The following AIG1 variants were observed in gnomAD, a reference collection of about 807,000 sequenced individuals.
AIG1 encodes androgen induced 1.
Under a neutral mutation model 31.4 loss-of-function variants are expected in AIG1, and 23 were observed. The observed-to-expected ratio is 0.73, with a 90% CI of 0.53 to 1.04. The LOEUF (loss-of-function observed/expected upper bound fraction) is 1.04. Among genes scored for constraint, AIG1 ranks in the 50% least tolerant of loss-of-function variants. The probability of loss-of-function intolerance (pLI) is 0.00; values close to 1 mark genes in which losing one functional copy is unlikely to be tolerated. For missense variants in AIG1, 274 were observed against 295.0 expected, an observed-to-expected ratio of 0.93 and a Z score of 0.52; for synonymous variants, 100 against 110.5, an observed-to-expected ratio of 0.90 and a Z score of 0.60.
chr6:143,212,785 C>T lies in AIG1; in HGVS notation c.399+47602C>T, dbSNP rs370073725. Among the ~76,000 whole-genome samples the T allele has an allele frequency of 7.9e-5, 12 of 152,210 alleles. No homozygotes were observed. In the East Asian group the frequency reaches 2.3e-3, roughly 29 times the overall value. On this transcript the variant is annotated intron_variant, in intron 3 of 5. Transcript: ENST00000357847. ...CCTATTCAGACCAAAACATAGGAGC[C>T]TTTTCCTCCTATCAAGTAGCAGCAT...
upstream of AIG1, among the ~76,000 whole-genome samples, chr6:143,059,671 A>C (rs1776090137): frequency 6.6e-6 from 1 of 152,190 alleles, no homozygotes; most frequent in African/African-American, 2.4e-5. Context: ...AACATTCAGG[A>C]AAACATCCAT....
chr6:143,210,874 C>G (rs1316668506), intron 3 of AIG1, among the ~76,000 whole-genome samples: 3 of 152,274 alleles, frequency 2.0e-5, no homozygotes, highest in African/African-American at 7.2e-5. Context: ...TATTAACATA[C>G]AGCCTTCCAC....
At chr6:143,303,018 G>T (rs372883019) in intron 4 of AIG1, among the ~76,000 whole-genome samples, 2 of 152,160 alleles carry the variant, frequency 1.3e-5, no homozygotes, top group African/African-American at 4.8e-5. Flanking sequence ...CTGCATAAAT[G>T]TCTTCTTTTG....
At chr6:143,183,222 A>C (rs1788901022) in intron 3 of AIG1, among the ~76,000 whole-genome samples, 1 of 133,208 alleles carries the variant, frequency 7.5e-6, no homozygotes, top group South Asian at 2.4e-4. Context: ...TTGGAGACGG[A>C]GTCTCGCTCT....
At chr6:143,169,224 A>G (rs371334107) in intron 3 of AIG1, among the ~76,000 whole-genome samples, 8 of 152,232 alleles carry the variant, frequency 5.3e-5, no homozygotes, top group African/African-American at 1.9e-4. Context: ...GGTAACACAT[A>G]CATATGCATG....
rs150549188 is a variant in AIG1, at chr6:143,179,399, A to G, written c.399+14216A>G. Among the ~76,000 whole-genome samples, 6 of 152,308 alleles carry G rather than the reference A, an allele frequency of 3.9e-5. No homozygotes were observed. The East Asian group carries it at 9.6e-4, about 24-fold the overall frequency. ...AAGAGTCTCTACATAGTTTCTAGGA[A>G]TCTACAGCCCAGGACCACAGAACTG... On this transcript the variant is annotated intron_variant, in intron 3 of 5. Coordinates refer to ENST00000357847, the MANE Select transcript of AIG1 (RefSeq NM_016108.4).
intron 4 of AIG1, among the ~76,000 whole-genome samples, chr6:143,294,386 T>G (rs543438752): frequency 6.6e-6 from 1 of 152,214 alleles, no homozygotes; most frequent in African/African-American, 2.4e-5. Context: ...AGAGACAAGG[T>G]GGTATAGTGG....
At chr6:143,290,942 C>A (rs1262246931) in intron 4 of AIG1, among the ~76,000 whole-genome samples, 1 of 152,116 alleles carries the variant, frequency 6.6e-6, no homozygotes, top group African/African-American at 2.4e-5. Context: ...CCACCCTCTT[C>A]CCAAGATGGG....
chr6:143,339,677 G>A lies in AIG1; in HGVS notation c.*1G>A, dbSNP rs1279701863. The A allele has an allele frequency of 6.2e-7, 1 of 1,613,348 alleles. No individual in the cohort carries two copies. On this transcript the variant is annotated 3_prime_UTR_variant, in exon 6 of 6. Transcript: ENST00000357847. Reference sequence around the variant, plus strand: ...GAAAGAAAAGCCTAAATTGGAATGAGATCCAAGTCTAAACGCAAGAGCTAG... The same window carrying A: ...GAAAGAAAAGCCTAAATTGGAATGAAATCCAAGTCTAAACGCAAGAGCTAG...
At chr6:143,202,515 C>T (rs1278354430) in intron 3 of AIG1, among the ~76,000 whole-genome samples, 1 of 152,176 alleles carries the variant, frequency 6.6e-6, no homozygotes, top group Admixed American at 6.5e-5. Context: ...GTTTCCTTTG[C>T]ATATCAAGGA....
At chr6:143,200,612 C>T (rs1169042390) in intron 3 of AIG1, among the ~76,000 whole-genome samples, 1 of 152,098 alleles carries the variant, frequency 6.6e-6, no homozygotes, top group African/African-American at 2.4e-5. Flanking sequence ...TATCAGTGAC[C>T]GCCGTGTTGA....
At chr6:143,255,814 G>T (rs189982262) in intron 3 of AIG1, among the ~76,000 whole-genome samples, 1 of 152,258 alleles carries the variant, frequency 6.6e-6, no homozygotes, top group Non-Finnish European at 1.5e-5. Flanking sequence ...ATTTTTCTAG[G>T]TGTGATGTTA....
chr6:143,220,979 T>G (rs1307865097), intron 3 of AIG1, among the ~76,000 whole-genome samples: 2 of 152,030 alleles, frequency 1.3e-5, no homozygotes, highest in Non-Finnish European at 2.9e-5. Context: ...GGTCTGGATA[T>G]CACTAGTTTT....
chr6:143,119,465 C>T (rs1487942064), intron 1 of AIG1, among the ~76,000 whole-genome samples: 1 of 152,216 alleles, frequency 6.6e-6, no homozygotes, highest in Non-Finnish European at 1.5e-5. Context: ...AGGCAGGCAG[C>T]TTGTACTTAC....
chr6:143,121,112 T>C (rs1782202834), intron 1 of AIG1, among the ~76,000 whole-genome samples: 1 of 152,284 alleles, frequency 6.6e-6, no homozygotes, highest in Non-Finnish European at 1.5e-5. Context: ...TATCACTGGC[T>C]TGCTGTCAAT....
chr6:143,153,553 T>G (rs528804472), intron 2 of AIG1, among the ~76,000 whole-genome samples: 2 of 152,262 alleles, frequency 1.3e-5, no homozygotes, highest in Non-Finnish European at 2.9e-5. Context: ...TTCACCATAT[T>G]GGCCAGGCTG....
intron 5 of AIG1, among the ~76,000 whole-genome samples, chr6:143,337,728 A>G (rs546050607): frequency 6.6e-6 from 1 of 151,940 alleles, no homozygotes; most frequent in Non-Finnish European, 1.5e-5. Flanking sequence ...CGTGCAGGTC[A>G]TTTCCCCCCA....
At chr6:143,251,113 C>T (rs757130011) in intron 3 of AIG1, among the ~76,000 whole-genome samples, 4 of 152,182 alleles carry the variant, frequency 2.6e-5, no homozygotes, top group South Asian at 2.1e-4. Flanking sequence ...AGTGCAGTGG[C>T]GCAATCTCGG....
intron 3 of AIG1, among the ~76,000 whole-genome samples, chr6:143,241,945 G>T (rs1301286316): frequency 1.3e-5 from 2 of 152,086 alleles, no homozygotes; most frequent in Non-Finnish European, 2.9e-5. Context: ...GTTTAGATTT[G>T]GGTCCCATCG....
Sources: gnomAD v4.1 joint callset for allele counts (sites outside exome capture counted in the v4.1 genomes callset) on GRCh38, gnomAD v4.1.1 for gene constraint, MANE v1.5 for transcripts, NCBI Gene and HGNC (gene_info 2026-07-23, HGNC 2026-07-21) for gene names.